PDE1C: variants seen among roughly 807,000 people sequenced by gnomAD.
PDE1C encodes the protein dual specificity calcium/calmodulin-dependent 3',5'-cyclic nucleotide phosphodiesterase 1C.
A neutral mutation model predicts 93.1 loss-of-function variants in PDE1C; 62 were observed. The observed-to-expected ratio is 0.67, with a 90% CI of 0.54 to 0.82. The LOEUF is 0.82. Ranked by LOEUF, PDE1C falls within the 40% of genes least tolerant of loss-of-function variation. The pLI, the probability that PDE1C is intolerant of heterozygous loss-of-function variation, is 0.00. For synonymous variants in PDE1C, 325 were observed against 310.1 expected (o/e 1.05, Z -0.50); for missense variants, 742 against 884.6 (o/e 0.84, Z 2.04).
rs180809978 is a variant in PDE1C at position 32,320,953 on chromosome 7, C to T, written c.310+106869G>A. Among the ~76,000 whole-genome samples, 56 of 152,272 alleles carry T rather than the reference C, an allele frequency of 3.7e-4. 1 individual carries two copies. In the East Asian group the frequency reaches 0.01, roughly 28 times the overall value. On this transcript the variant is annotated intron_variant, in intron 1 of 1. Transcript: ENST00000672256. ...GTGAGACTCAAAATAAAATGTGCATCACAGACCTAGGTCACCCACTACAGA... is the reference window on the plus strand; with the variant it reads ...GTGAGACTCAAAATAAAATGTGCATTACAGACCTAGGTCACCCACTACAGA...
intron 1 of PDE1C, among the ~76,000 whole-genome samples, chr7:32,053,501 A>C (rs2128692433): frequency 6.6e-6 from 1 of 152,352 alleles, no homozygotes; most frequent in Middle Eastern, 3.4e-3. Context: ...GATCTAAGGT[A>C]CAACTGGCAA....
chr7:31,857,989 C>T (rs538869594), intron 7 of PDE1C, among the ~76,000 whole-genome samples: 48 of 152,092 alleles, frequency 3.2e-4, no homozygotes, highest in Admixed American at 1.3e-4. Flanking sequence ...AAGGACATAT[C>T]GGAAGGCCAA....
chr7:31,626,297 C>T, the PDE1C span, among the ~76,000 whole-genome samples: 1 of 152,158 alleles, frequency 6.6e-6, no homozygotes, highest in East Asian at 1.9e-4. Context: ...ATTAGGCCAA[C>T]TGCATAACTC....
the PDE1C span, among the ~76,000 whole-genome samples, chr7:31,745,541 CA>C: frequency 6.6e-6 from 1 of 152,132 alleles, no homozygotes; most frequent in African/African-American, 2.4e-5. Flanking sequence ...GTAATCCCAG[CA>C]AAAGGCCACT....
the PDE1C span, chr7:31,707,582 C>T: frequency 1.4e-4 from 45 of 317,870 alleles, no homozygotes; most frequent in Non-Finnish European, 2.4e-4. Flanking sequence ...GTTTCTGCAT[C>T]TTCTGGATCA....
intron 1 of PDE1C, among the ~76,000 whole-genome samples, chr7:32,402,140 T>C (rs930200946): frequency 1.3e-5 from 2 of 152,132 alleles, no homozygotes; most frequent in Non-Finnish European, 2.9e-5. Flanking sequence ...CAGATCTGTC[T>C]GGCTCCAAAT....
chr7:31,828,259 G>A, intron 12 of PDE1C, 33 bp downstream of exon 12: 1 of 1,564,090 alleles, frequency 6.4e-7, no homozygotes, highest in Non-Finnish European at 8.8e-7. Context: ...TTCCTGCTTT[G>A]GTGCTTCTAT....
chr7:32,163,141 A>G (rs1056415187), intron 3 of PDE1C, among the ~76,000 whole-genome samples: 2 of 152,226 alleles, frequency 1.3e-5, no homozygotes, highest in Non-Finnish European at 1.5e-5. Flanking sequence ...AGGTGTCCCC[A>G]GAAGTTTCCA....
the PDE1C span, among the ~76,000 whole-genome samples, chr7:31,726,942 A>G: frequency 6.6e-5 from 10 of 152,218 alleles, no homozygotes; most frequent in Non-Finnish European, 7.3e-5. Flanking sequence ...GGCCTGAGGC[A>G]GGAGAATCAC....
intron 1 of PDE1C, among the ~76,000 whole-genome samples, chr7:32,327,376 A>G (rs1430513205): frequency 6.6e-6 from 1 of 152,196 alleles, no homozygotes; most frequent in African/African-American, 2.4e-5. Flanking sequence ...GAAGTAGGAC[A>G]TTACCAGCAT....
intron 3 of PDE1C, among the ~76,000 whole-genome samples, chr7:32,108,665 A>G (rs1313190727): frequency 2.0e-5 from 3 of 152,182 alleles, no homozygotes; most frequent in Non-Finnish European, 4.4e-5. Context: ...CCCGTATGAA[A>G]TTGTTCCTTC....
At chr7:32,195,543 C>G (rs1164909872) in intron 2 of PDE1C, among the ~76,000 whole-genome samples, 2 of 152,086 alleles carry the variant, frequency 1.3e-5, no homozygotes, top group African/African-American at 4.8e-5. Flanking sequence ...CAAGATTTCT[C>G]TTGAGATTTT....
intron 2 of PDE1C, among the ~76,000 whole-genome samples, chr7:31,967,007 G>A (rs1442170653): frequency 6.6e-6 from 1 of 151,942 alleles, no homozygotes; most frequent in East Asian, 1.9e-4. Context: ...AGAGAAAGCA[G>A]GAACGATCCA....
At chr7:32,186,916 T>C (rs6953793) in intron 2 of PDE1C, among the ~76,000 whole-genome samples, 65,929 of 151,576 alleles carry the variant, frequency 0.43, 15,451 homozygotes, top group East Asian at 0.75. Flanking sequence ...GCATCCCTCC[T>C]TCATCGATAG....
intron 3 of PDE1C, among the ~76,000 whole-genome samples, chr7:32,145,806 C>T (rs925089068): frequency 6.6e-6 from 1 of 151,932 alleles, no homozygotes; most frequent in Non-Finnish European, 1.5e-5. Flanking sequence ...GAATGAATTG[C>T]CCCAATTCAT....
chr7:31,661,813 C>T, the PDE1C span, among the ~76,000 whole-genome samples: 4 of 152,060 alleles, frequency 2.6e-5, no homozygotes, highest in African/African-American at 9.7e-5. Flanking sequence ...TTCTTCATTA[C>T]TTCATTAATT....
At chr7:31,656,747 T>G in the PDE1C span, among the ~76,000 whole-genome samples, 1 of 152,182 alleles carries the variant, frequency 6.6e-6, no homozygotes, top group Admixed American at 6.6e-5. Context: ...TCATGTGTGA[T>G]GGAGGAGAGA....
chr7:32,156,481 G>A (rs1250747978), intron 3 of PDE1C, among the ~76,000 whole-genome samples: 3 of 152,190 alleles, frequency 2.0e-5, no homozygotes, highest in Admixed American at 6.5e-5. Flanking sequence ...ATTCTAAGTC[G>A]AAGTTCATTT....
chr7:31,651,379 C>T, the PDE1C span: 30 of 1,253,594 alleles, frequency 2.4e-5, no homozygotes, highest in Middle Eastern at 2.4e-4. Flanking sequence ...AATGAGAAAC[C>T]GGCCAGCTTT....
Sources: gnomAD v4.1 joint callset for allele counts (sites outside exome capture counted in the v4.1 genomes callset) on GRCh38, gnomAD v4.1.1 for gene constraint, MANE v1.5 for transcripts, NCBI Gene and HGNC (gene_info 2026-07-23, HGNC 2026-07-21) for gene names.